The following HIVEP3 variants were observed in gnomAD, a reference collection of about 807,000 sequenced individuals.
The protein encoded by HIVEP3 is HIVEP zinc finger 3, also known as transcription factor HIVEP3.
Under a neutral mutation model 152.8 loss-of-function variants are expected in HIVEP3, and 49 were observed. That is an observed-to-expected ratio of 0.32 (90% CI 0.26 to 0.41). The LOEUF is 0.41. Ranked by LOEUF, HIVEP3 falls within the 10% of genes least tolerant of loss-of-function variation. The pLI is 1.00. For missense variants in HIVEP3, 2,790 were observed against 3,103.3 expected, an observed-to-expected ratio of 0.90 and a Z score of 2.40; for synonymous variants, 1,269 against 1,289.0, an observed-to-expected ratio of 0.98 and a Z score of 0.33.
chr1:42,008,973 G>A (rs948226177), intron 1 of HIVEP3, among the ~76,000 whole-genome samples: 1 of 152,142 alleles, frequency 6.6e-6, no homozygotes, highest in Non-Finnish European at 1.5e-5. Context: ...TCTGACTGTG[G>A]TTCCTAGAAC....
At chr1:41,530,136 TGATGCCGCCAAG>T (rs1242297746) in intron 5 of HIVEP3, among the ~76,000 whole-genome samples, 5 of 152,060 alleles carry the variant, frequency 3.3e-5, no homozygotes, top group Non-Finnish European at 5.9e-5. Context: ...TTTGGCCAAC[TGATGCCGCCAAG>T]GAGTCTAAAA....
At chr1:41,798,838 C>T (rs1558279290) in intron 1 of HIVEP3, among the ~76,000 whole-genome samples, 1 of 152,158 alleles carries the variant, frequency 6.6e-6, no homozygotes, top group Non-Finnish European at 1.5e-5. Context: ...ATTTACAACC[C>T]AGACCCCTGC....
chr1:41,929,624 T>G (rs1044370969), intron 1 of HIVEP3, among the ~76,000 whole-genome samples: 1 of 151,488 alleles, frequency 6.6e-6, no homozygotes, highest in African/African-American at 2.4e-5. Context: ...GCCATCTCAG[T>G]AGACAGAGCT....
At chr1:41,907,973 C>T (rs1036608282) in intron 1 of HIVEP3, among the ~76,000 whole-genome samples, 2 of 152,118 alleles carry the variant, frequency 1.3e-5, no homozygotes, top group Admixed American at 6.5e-5. Context: ...AGCTGGTCTC[C>T]AGGTGGTGAA....
At chr1:41,858,530 T>C (rs1325639694) in intron 1 of HIVEP3, among the ~76,000 whole-genome samples, 1 of 152,168 alleles carries the variant, frequency 6.6e-6, no homozygotes, top group Non-Finnish European at 1.5e-5. Context: ...GAGACCACTC[T>C]CCTAGGATAT....
chr1:41,920,290 G>A (rs1216275734), upstream of HIVEP3, among the ~76,000 whole-genome samples: 8 of 152,110 alleles, frequency 5.3e-5, no homozygotes, highest in African/African-American at 1.9e-4. Flanking sequence ...ACAGACCTGA[G>A]CCCAGGAGGC....
chr1:42,001,551 T>C (rs1402150217), intron 1 of HIVEP3, among the ~76,000 whole-genome samples: 3 of 152,198 alleles, frequency 2.0e-5, no homozygotes, highest in Non-Finnish European at 4.4e-5. Context: ...GATTCAAGGA[T>C]CAAGTATTTA....
rs144694525 is a variant in HIVEP3, at chr1:41,790,103, C to T, written c.-800-89108G>A. ...CTCTGGCTCTGCCACTTCTTAACTG[C>T]GTGCTATGATTTGGATGTTCATTCC... On this transcript the variant is annotated intron_variant, in intron 1 of 8. Transcript: ENST00000372583. Among the ~76,000 whole-genome samples the T allele has an allele frequency of 2.8e-3, 431 of 152,272 alleles. 2 individuals carry two copies. Among genetic ancestry groups the T allele is most frequent in the Middle Eastern group, 0.027 (8 of 294 alleles).
chr1:41,696,097 CA>C (rs1646269792), intron 2 of HIVEP3, among the ~76,000 whole-genome samples: 1 of 152,242 alleles, frequency 6.6e-6, no homozygotes, highest in Non-Finnish European at 1.5e-5. Flanking sequence ...TATCAAATGG[CA>C]CTGTATATTT....
upstream of HIVEP3, among the ~76,000 whole-genome samples, chr1:41,921,105 T>G (rs1644939689): frequency 6.6e-6 from 1 of 152,168 alleles, no homozygotes. Flanking sequence ...CGGGGGCTTT[T>G]GGTTTGGGGA....
intron 1 of HIVEP3, among the ~76,000 whole-genome samples, chr1:42,013,322 T>C (rs1645503832): frequency 6.6e-6 from 1 of 152,220 alleles, no homozygotes; most frequent in African/African-American, 2.4e-5. Context: ...AGTCACATTC[T>C]GAGATACTAG....
chr1:41,813,497 C>T (rs1029178626), intron 1 of HIVEP3, among the ~76,000 whole-genome samples: 2 of 152,178 alleles, frequency 1.3e-5, no homozygotes, highest in Admixed American at 6.5e-5. Context: ...ACCCACATAC[C>T]GCCTTGCAAT....
chr1:41,940,941 G>T (rs1467687619), intron 1 of HIVEP3, among the ~76,000 whole-genome samples: 1 of 152,014 alleles, frequency 6.6e-6, no homozygotes, highest in Middle Eastern at 3.2e-3. Context: ...AACACTAAAA[G>T]GTCAGGTAGA....
At chr1:41,575,333 C>A (rs1022904808) in intron 5 of HIVEP3, among the ~76,000 whole-genome samples, 8 of 152,170 alleles carry the variant, frequency 5.3e-5, no homozygotes, top group African/African-American at 1.9e-4. Context: ...TACCCAGCAT[C>A]ACCCATCCCC....
chr1:41,683,391 C>T (rs1334953122), intron 2 of HIVEP3, among the ~76,000 whole-genome samples: 1 of 152,236 alleles, frequency 6.6e-6, no homozygotes, highest in Non-Finnish European at 1.5e-5. Flanking sequence ...GTAACAAACA[C>T]TTCACCACTG....
Position 41,918,215 on chromosome 1 carries a change from C to A in HIVEP3, c.-801+198G>T, listed in dbSNP as rs904853977. ...AGCAGCGCGCTCAGCCCACCGGGGGCACTGGCCGCCACGCGCAGCCCACCC... is the reference window on the plus strand; with the variant it reads ...AGCAGCGCGCTCAGCCCACCGGGGGAACTGGCCGCCACGCGCAGCCCACCC... On this transcript the variant is annotated intron_variant, in intron 1 of 8. Transcript: ENST00000372583. This position sits in a 1 kb window ranked among gnomAD's most constrained non-coding sequence, Gnocchi z 4.3. Among the ~76,000 whole-genome samples the A allele has an allele frequency of 6.6e-6, 1 of 152,184 alleles. No homozygotes were observed. The highest frequency in any genetic ancestry group is 6.5e-5 in the Admixed American group (1 of 15,288).
At chr1:41,771,157 T>A (rs7535437) in intron 1 of HIVEP3, among the ~76,000 whole-genome samples, 131,680 of 152,140 alleles carry the variant, frequency 0.87, 59,581 homozygotes, top group Non-Finnish European at 1. Flanking sequence ...GAAAATAAAA[T>A]TGGTTGAGAA....
At chr1:41,872,660 A>G (rs1417057266) in intron 1 of HIVEP3, among the ~76,000 whole-genome samples, 1 of 152,196 alleles carries the variant, frequency 6.6e-6, no homozygotes, top group Non-Finnish European at 1.5e-5. Context: ...ATATATATAT[A>G]CTTGTTGATA....
At position 41,792,955 on chromosome 1, in the gene HIVEP3, G is replaced by C. The variant is rs1352027467; in HGVS notation, c.-800-91960C>G. ...GCAATGGGATGAATAGTGGGGAGAG[G>C]AGAATGTTCAGGGGATCCTGGATTC... On this transcript the variant is annotated intron_variant, in intron 1 of 8. Coordinates refer to ENST00000372583, the MANE Select transcript of HIVEP3 (RefSeq NM_024503.5). Among the ~76,000 whole-genome samples the C allele has an allele frequency of 3.3e-5, 5 of 152,316 alleles. No homozygotes were observed. The South Asian group carries it at 8.3e-4, about 25-fold the overall frequency.
Sources: gnomAD v4.1 joint callset for allele counts (sites outside exome capture counted in the v4.1 genomes callset) on GRCh38, gnomAD v4.1.1 for gene constraint, Gnocchi (gnomAD v3.1) non-coding constraint, MANE v1.5 for transcripts, NCBI Gene and HGNC (gene_info 2026-07-23, HGNC 2026-07-21) for gene names.